Variants in ARHGEF12 observed in about 807,000 individuals in gnomAD.
ARHGEF12 encodes the protein KMT2A/ARHGEF12 fusion protein.
Under a neutral mutation model 211.2 loss-of-function variants are expected in ARHGEF12, and 66 were observed. The observed-to-expected ratio is 0.31, with a 90% CI of 0.26 to 0.38. The LOEUF is 0.38. Among genes scored for constraint, ARHGEF12 ranks in the 10% least tolerant of loss-of-function variants. ARHGEF12 has a pLI of 1.00. For missense variants in ARHGEF12, 1,429 were observed against 1,869.5 expected (o/e 0.76, Z 4.34); for synonymous variants, 592 against 638.4 (o/e 0.93, Z 1.09).
chr11:120,481,760 C>CTTT (rs765155466), intron 39 of ARHGEF12, among the ~76,000 whole-genome samples, 184 bp downstream of exon 39: 4 of 138,404 alleles, frequency 2.9e-5, no homozygotes, highest in Admixed American at 7.2e-5. Context: ...TTCTTTCTTT[C>CTTT]TTTTTTTTTT....
intron 6 of ARHGEF12, among the ~76,000 whole-genome samples, chr11:120,423,129 G>T (rs1047517674): frequency 6.6e-6 from 1 of 152,054 alleles, no homozygotes; most frequent in Admixed American, 6.6e-5. Flanking sequence ...TAAAGTAACT[G>T]AAATACATAA....
At chr11:120,461,750 T>C (rs1416366644) in intron 27 of ARHGEF12, among the ~76,000 whole-genome samples, 2 of 152,252 alleles carry the variant, frequency 1.3e-5, no homozygotes, top group Non-Finnish European at 2.9e-5. Context: ...CTGGATAACT[T>C]ACTATAGCTT....
intron 15 of ARHGEF12, among the ~76,000 whole-genome samples, chr11:120,443,842 T>C (rs529793728): frequency 4.6e-5 from 7 of 152,338 alleles, no homozygotes; most frequent in Non-Finnish European, 8.8e-5. Context: ...ATAACAACTA[T>C]TTGCATAGCG....
chr11:120,388,766 G>A (rs540792265), intron 1 of ARHGEF12, among the ~76,000 whole-genome samples: 1 of 151,980 alleles, frequency 6.6e-6, no homozygotes, highest in Non-Finnish European at 1.5e-5. Flanking sequence ...CTTCTTTTGT[G>A]GATTGTCTGT....
intron 7 of ARHGEF12, among the ~76,000 whole-genome samples, chr11:120,425,352 T>TTG (rs1555109955): frequency 2.7e-4 from 40 of 150,344 alleles, no homozygotes; most frequent in African/African-American, 9.0e-4. Flanking sequence ...TTTTTTTTTT[T>TTG]TTTGTTTGTT....
At position 120,481,427 on chromosome 11, in the gene ARHGEF12, C is replaced by T; in HGVS notation, c.4405C>T (p.Pro1469Ser). The change falls in exon 39 of 41, where the codon CCA (proline) becomes TCA (serine). Residue 1469 changes from proline to serine, a missense_variant. Around this residue, in one of 7 missense-constraint regions of ARHGEF12, gnomAD observed 467 missense variants for 468.4 expected, o/e 1.00. Coordinates refer to ENST00000397843, the MANE Select transcript of ARHGEF12 (RefSeq NM_015313.3). ...TACTCACTCCGATGGGGCAATTTCA[C>T]CATTCACCCCCGAATTTCTGGTCCA... ...QNTHSDGAIS[P>S]FTPEFLVQQR... 1 of 1,614,188 alleles carries T rather than the reference C, an allele frequency of 6.2e-7. No individual in the cohort carries two copies.
intron 38 of ARHGEF12, 50 bp downstream of exon 38, chr11:120,480,480 ACTGTC>A: frequency 6.5e-7 from 1 of 1,530,276 alleles, no homozygotes; most frequent in Non-Finnish European, 8.9e-7. Flanking sequence ...ATCATTGTTA[ACTGTC>A]CTGTATTTTG....
intron 1 of ARHGEF12, among the ~76,000 whole-genome samples, chr11:120,350,407 G>C (rs917909419): frequency 6.6e-6 from 1 of 151,806 alleles, no homozygotes; most frequent in South Asian, 2.1e-4. Context: ...CCCAGCTGCT[G>C]GGGAGGCTGA....
chr11:120,467,798 G>T (rs2135940838), intron 29 of ARHGEF12, among the ~76,000 whole-genome samples: 1 of 152,184 alleles, frequency 6.6e-6, no homozygotes, highest in Non-Finnish European at 1.5e-5. Flanking sequence ...TACTCCATTA[G>T]TAGCTTTAGT....
Position 120,459,267 on chromosome 11 carries a change from C to G in ARHGEF12, c.2474C>G (p.Pro825Arg). ...QRVSREGILSPSELRKIFSNL... is the reference protein window; with the variant it reads ...QRVSREGILSRSELRKIFSNL... ...GTATCCAGAGAAGGAATTCTGTCAC[C>G]CTCAGAGCTACGGAAAATTTTTTCA... is the stretch of plus-strand genomic sequence containing the variant. The change falls in exon 26 of 41, where the codon CCC becomes CGC. Residue 825 changes from proline to arginine, a missense_variant. Transcript: ENST00000397843. 6.2e-7 allele frequency: 1 copy of G among 1,613,426 alleles called. No homozygotes were observed. The highest frequency in any genetic ancestry group is 8.5e-7 in the Non-Finnish European group (1 of 1,179,688).
intron 12 of ARHGEF12, among the ~76,000 whole-genome samples, chr11:120,437,656 CATT>C (rs1945734475): frequency 6.6e-6 from 1 of 152,096 alleles, no homozygotes; most frequent in Non-Finnish European, 1.5e-5. Flanking sequence ...AGTATATTCA[CATT>C]GTTGTGCGAC....
At chr11:120,412,816 T>C (rs1019645387) in intron 4 of ARHGEF12, among the ~76,000 whole-genome samples, 2 of 152,206 alleles carry the variant, frequency 1.3e-5, no homozygotes, top group African/African-American at 4.8e-5. Flanking sequence ...CCTAGTCTTA[T>C]ATTTCCTTAA....
rs1947435932 is a variant in ARHGEF12 at position 120,487,845 on chromosome 11, C to G, written c.*2768C>G. On this transcript the variant is annotated 3_prime_UTR_variant, in exon 41 of 41. Transcript: ENST00000397843. Reference sequence around the variant, plus strand: ...TTAATCAAGGCAAATCAGCAAGCCCCCAAAGTGCTGTAATTTAACATCATG... The same window carrying G: ...TTAATCAAGGCAAATCAGCAAGCCCGCAAAGTGCTGTAATTTAACATCATG... 4.6e-6 allele frequency: 1 copy of G among 219,766 alleles called. No homozygotes were observed. Among genetic ancestry groups the G allele is most frequent in the South Asian group, 1.8e-4 (1 of 5,412 alleles). The allele number at this position is 219,766 out of a possible 1,614,324, so 13.6% of individuals were successfully genotyped here. A position where few individuals can be genotyped will look rare whatever the true frequency, so the allele number is the denominator to read the frequency against.
intron 15 of ARHGEF12, among the ~76,000 whole-genome samples, chr11:120,444,467 T>TA (rs2135801305): frequency 6.6e-6 from 1 of 152,322 alleles, no homozygotes; most frequent in East Asian, 1.9e-4. Flanking sequence ...GCACTTGAGC[T>TA]AGAAATGCTT....
intron 1 of ARHGEF12, among the ~76,000 whole-genome samples, chr11:120,364,170 T>C (rs1312037960): frequency 1.3e-5 from 2 of 152,096 alleles, no homozygotes; most frequent in Non-Finnish European, 2.9e-5. Flanking sequence ...ATATTTGAAA[T>C]CTAAATAAGG....
intron 37 of ARHGEF12, 136 bp from the exon 38 acceptor site, chr11:120,479,824 T>C: frequency 4.3e-6 from 3 of 692,086 alleles, no homozygotes; most frequent in Non-Finnish European, 7.2e-6. Context: ...ATGAAATTAA[T>C]AATTAACATT....
In ARHGEF12 at chr11:120,401,498, C is replaced by T. The variant is rs78868440; in HGVS notation, c.33-4620C>T. Among the ~76,000 whole-genome samples, 423 of 152,206 alleles carry T rather than the reference C, an allele frequency of 2.8e-3. 3 individuals carry two copies. Among genetic ancestry groups the T allele is most frequent in the Non-Finnish European group, 4.7e-3 (321 of 68,006 alleles). On this transcript the variant is annotated intron_variant, in intron 1 of 40. Transcript: ENST00000397843. Reference sequence around the variant, plus strand: ...TCATATCAGTTTCAAATTTTAAGTACCATGTTTTAAGCCATTCTAATTGTT... The same window carrying T: ...TCATATCAGTTTCAAATTTTAAGTATCATGTTTTAAGCCATTCTAATTGTT...
Position 120,485,857 on chromosome 11 carries a change from G to A in ARHGEF12, c.*780G>A, listed in dbSNP as rs1222326504. 1 of 233,302 alleles carries A rather than the reference G, an allele frequency of 4.3e-6. No homozygotes were observed. The highest frequency in any genetic ancestry group is 2.2e-5 in the African/African-American group (1 of 45,330). The allele number at this position is 233,302 out of a possible 1,614,324, so 14.5% of individuals were successfully genotyped here. Reference sequence around the variant, plus strand: ...AAATAGCAGGCACTTGAAAATGGGTGTGTTTTCTTCCATTGTCGTCTTTTC... The same window carrying A: ...AAATAGCAGGCACTTGAAAATGGGTATGTTTTCTTCCATTGTCGTCTTTTC... On this transcript the variant is annotated 3_prime_UTR_variant, in exon 41 of 41. Transcript: ENST00000397843.
chr11:120,407,698 TTTCTTG>T, intron 2 of ARHGEF12, 34 bp from the exon 3 acceptor site: 1 of 1,459,936 alleles, frequency 6.8e-7, no homozygotes, highest in Non-Finnish European at 9.5e-7. Flanking sequence ...TTCTAATGAT[TTTCTTG>T]CACTAAGCAT....
Sources: gnomAD v4.1 joint callset for allele counts (sites outside exome capture counted in the v4.1 genomes callset) on GRCh38, gnomAD v4.1.1 for gene constraint, gnomAD v4.1.1 regional missense constraint, MANE v1.5 for transcripts, NCBI Gene and HGNC (gene_info 2026-07-23, HGNC 2026-07-21) for gene names.